Variants in TOM1L2 observed in about 807,000 individuals in gnomAD.
TOM1L2 encodes TOM1-like protein 2.
A neutral mutation model predicts 67.9 loss-of-function variants in TOM1L2; 31 were observed. The ratio of observed to expected loss-of-function variants is 0.46; its 90% CI spans 0.34 to 0.62. The LOEUF is 0.62. TOM1L2 is among the 20% of genes least tolerant of loss of function. The pLI, the probability that TOM1L2 is intolerant of heterozygous loss-of-function variation, is 0.01. For missense variants in TOM1L2, 606 were observed against 663.5 expected (o/e 0.91, Z 0.95); for synonymous variants, 256 against 254.0 (o/e 1.01, Z -0.07).
intron 1 of TOM1L2, among the ~76,000 whole-genome samples, chr17:17,909,313 A>G (rs2039238065): frequency 6.6e-6 from 1 of 152,230 alleles, no homozygotes; most frequent in Non-Finnish European, 1.5e-5. Context: ...TGTTCATAGC[A>G]GCAATAGTCA....
At chr17:17,956,102 G>A (rs761605630) in intron 1 of TOM1L2, among the ~76,000 whole-genome samples, 16 of 152,096 alleles carry the variant, frequency 1.1e-4, no homozygotes, top group African/African-American at 3.4e-4. Context: ...AGCCTCCCCC[G>A]CACGAAAAAG....
intron 2 of TOM1L2, among the ~76,000 whole-genome samples, chr17:17,900,156 T>G (rs938283557): frequency 6.6e-6 from 1 of 152,106 alleles, no homozygotes. Context: ...GAGGTTGCAG[T>G]GAGCTGAGAT....
chr17:17,934,727 G>T (rs2040455206), intron 1 of TOM1L2, among the ~76,000 whole-genome samples: 1 of 152,116 alleles, frequency 6.6e-6, no homozygotes, highest in Non-Finnish European at 1.5e-5. Flanking sequence ...CTGGTCTTTG[G>T]GTAAAATTAA....
intron 6 of TOM1L2, among the ~76,000 whole-genome samples, chr17:17,880,025 G>A (rs1172365861): frequency 6.6e-6 from 1 of 152,170 alleles, no homozygotes; most frequent in African/African-American, 2.4e-5. Context: ...TGTCAGGAGT[G>A]CACCAAGCTG....
intron 1 of TOM1L2, among the ~76,000 whole-genome samples, chr17:17,968,536 G>A (rs1034527193): frequency 6.6e-6 from 1 of 152,100 alleles, no homozygotes; most frequent in African/African-American, 2.4e-5. Context: ...ACGGTGCCAG[G>A]CACCAGTAAT....
At chr17:17,959,781 C>A in intron 1 of TOM1L2, among the ~76,000 whole-genome samples, 1 of 152,212 alleles carries the variant, frequency 6.6e-6, no homozygotes, top group East Asian at 1.9e-4. Context: ...CCATTACACT[C>A]AATTTTAAAC....
intron 1 of TOM1L2, among the ~76,000 whole-genome samples, chr17:17,928,010 G>A (rs899166790): frequency 6.6e-5 from 10 of 152,152 alleles, no homozygotes; most frequent in African/African-American, 1.7e-4. Context: ...GGGATTTACT[G>A]AAAAATAATC....
At chr17:17,948,373 G>T (rs1230581864) in intron 1 of TOM1L2, among the ~76,000 whole-genome samples, 2 of 152,214 alleles carry the variant, frequency 1.3e-5, no homozygotes, top group Non-Finnish European at 2.9e-5. Flanking sequence ...CCTTGGCCAG[G>T]TGTGGTGGCT....
chr17:17,848,698 TGGCTCAG>T, intron 14 of TOM1L2, 118 bp downstream of exon 14: 1 of 1,053,526 alleles, frequency 9.5e-7, no homozygotes, highest in Non-Finnish European at 1.4e-6. Flanking sequence ...GTGAAGCCCA[TGGCTCAG>T]GGCCTGGCAC....
chr17:17,963,137 T>C (rs2041755163), intron 1 of TOM1L2, among the ~76,000 whole-genome samples: 1 of 152,200 alleles, frequency 6.6e-6, no homozygotes, highest in Non-Finnish European at 1.5e-5. Context: ...GCAAGTGTTC[T>C]TGTACTCCCT....
intron 12 of TOM1L2, among the ~76,000 whole-genome samples, chr17:17,854,581 G>A (rs1468775045): frequency 6.6e-6 from 1 of 152,054 alleles, no homozygotes; most frequent in Non-Finnish European, 1.5e-5. Flanking sequence ...CTGGTGTGCA[G>A]TGGTGCGATC....
chr17:17,960,704 C>G (rs2041643473), intron 1 of TOM1L2, among the ~76,000 whole-genome samples: 4 of 152,030 alleles, frequency 2.6e-5, no homozygotes, highest in Admixed American at 2.6e-4. Flanking sequence ...CTGGGTGACA[C>G]AGTGAGAGTC....
intron 12 of TOM1L2, 74 bp downstream of exon 12, chr17:17,861,402 C>T (rs2036551575): frequency 2.1e-6 from 3 of 1,452,780 alleles, no homozygotes; most frequent in Admixed American, 1.7e-5. Flanking sequence ...GCTGAATTAC[C>T]CAGCCAGCTT....
intron 10 of TOM1L2, among the ~76,000 whole-genome samples, chr17:17,866,017 C>T (rs1026934736): frequency 6.6e-6 from 1 of 152,130 alleles, no homozygotes; most frequent in Non-Finnish European, 1.5e-5. Context: ...GCTGGGATTA[C>T]GGGCGTGAGC....
At chr17:17,897,722 T>C (rs1478559624) in intron 3 of TOM1L2, among the ~76,000 whole-genome samples, 1 of 152,184 alleles carries the variant, frequency 6.6e-6, no homozygotes, top group Non-Finnish European at 1.5e-5. Context: ...CACTTTATGA[T>C]GGCAATCCAC....
At chr17:17,866,152 A>C in intron 10 of TOM1L2, 144 bp downstream of exon 10, 1 of 999,734 alleles carries the variant, frequency 1.0e-6, no homozygotes, top group Non-Finnish European at 1.4e-6. Flanking sequence ...AGGTGGTACA[A>C]CTGGCTAGGA....
chr17:17,954,691 C>T (rs1391668422), intron 1 of TOM1L2, among the ~76,000 whole-genome samples: 1 of 151,996 alleles, frequency 6.6e-6, no homozygotes, highest in African/African-American at 2.4e-5. Context: ...TGGAAGGTTC[C>T]AGAGTGTAGA....
chr17:17,884,661 A>G lies in TOM1L2; in HGVS notation c.474T>C (p.Ala158=), dbSNP rs777173833. The part of the protein sequence containing the change: ...GVEFPMADLD[A]LSPIHTPQRS... The stretch of plus-strand genomic sequence containing the variant: ...GCTGTGGTGTGTGTATGGGAGACAG[A>G]GCGTCCAAGTCTGCCATGGGAAATT... The change falls in exon 5 of 15, where the codon GCT becomes GCC. Residue 158 remains alanine, a synonymous_variant. Coordinates refer to ENST00000379504, the MANE Select transcript of TOM1L2 (RefSeq NM_001082968.2). 1.2e-5 allele frequency: 19 copies of G among 1,614,106 alleles called. No individual in the cohort carries two copies. Among genetic ancestry groups the G allele is most frequent in the Non-Finnish European group, 1.6e-5 (19 of 1,180,032 alleles).
chr17:17,953,451 G>C (rs1022458771), intron 1 of TOM1L2, among the ~76,000 whole-genome samples: 2 of 152,148 alleles, frequency 1.3e-5, no homozygotes, highest in Non-Finnish European at 2.9e-5. Flanking sequence ...GAGTGCCCCG[G>C]ATCACTTTCC....
Sources: gnomAD v4.1 joint callset for allele counts (sites outside exome capture counted in the v4.1 genomes callset) on GRCh38, gnomAD v4.1.1 for gene constraint, MANE v1.5 for transcripts, NCBI Gene and HGNC (gene_info 2026-07-23, HGNC 2026-07-21) for gene names.